The following STAT3 variants were observed in gnomAD, a reference collection of about 807,000 sequenced individuals.
The protein encoded by STAT3 is DNA-binding protein APRF.
STAT3 carries 7 observed loss-of-function variants against 114.3 expected under a neutral mutation model. The ratio of observed to expected loss-of-function variants is 0.06; its 90% CI spans 0.03 to 0.11. The LOEUF is 0.11. STAT3 is among the 10% of genes least tolerant of loss of function. STAT3 has a pLI of 1.00. For synonymous variants in STAT3, 331 were observed against 354.5 expected (o/e 0.93, Z 0.74); for missense variants, 364 against 960.9 (o/e 0.38, Z 8.21).
intron 8 of STAT3, among the ~76,000 whole-genome samples, chr17:42,336,582 A>G (rs983190421): frequency 6.6e-6 from 1 of 152,094 alleles, no homozygotes; most frequent in Non-Finnish European, 1.5e-5. Flanking sequence ...TGGGTAACAC[A>G]GTGAGACCCT....
intron 1 of STAT3, among the ~76,000 whole-genome samples, chr17:42,364,145 A>C (rs2083656800): frequency 6.6e-6 from 1 of 152,164 alleles, no homozygotes. Context: ...TTACAGAAGT[A>C]CACCTCCCCT....
At chr17:42,382,792 G>A (rs1422096836) in intron 1 of STAT3, among the ~76,000 whole-genome samples, 6 of 151,858 alleles carry the variant, frequency 4.0e-5, no homozygotes, top group African/African-American at 9.7e-5. Context: ...GACTACAGGC[G>A]TCTGCCACCA....
chr17:42,316,669 CA>C (rs1193148096), intron 23 of STAT3, 119 bp downstream of exon 23: 14 of 1,548,710 alleles, frequency 9.0e-6, no homozygotes, highest in Non-Finnish European at 1.2e-5. Context: ...TTTTGGAAAG[CA>C]AAGCTCTAGA....
In STAT3 at chr17:42,323,523, C is replaced by T. The variant is rs375499483; in HGVS notation, c.1653+50G>A. 1.4e-5 allele frequency: 22 copies of T among 1,603,250 alleles called. No homozygotes were observed. The African/African-American group carries it at 2.1e-4, about 16-fold the overall frequency. On this transcript the variant is annotated intron_variant, in intron 18 of 23. Transcript: ENST00000264657. ...TCAAGCCAGAGCCCTCAACGACAGCCGTGCAGGTGAGCATTCCCATTCCCA... is the reference window on the plus strand; with the variant it reads ...TCAAGCCAGAGCCCTCAACGACAGCTGTGCAGGTGAGCATTCCCATTCCCA...
At chr17:42,379,191 G>A (rs113487094) in intron 1 of STAT3, among the ~76,000 whole-genome samples, 33 of 152,288 alleles carry the variant, frequency 2.2e-4, no homozygotes, top group Middle Eastern at 3.4e-3. Context: ...AAGCCAAGCC[G>A]TTTATTTCCC....
chr17:42,379,189 C>T (rs2084639597), intron 1 of STAT3, among the ~76,000 whole-genome samples: 1 of 152,160 alleles, frequency 6.6e-6, no homozygotes, highest in South Asian at 2.1e-4. Context: ...GGAAGCCAAG[C>T]CGTTTATTTC....
chr17:42,376,108 G>A (rs1448859239), intron 1 of STAT3, among the ~76,000 whole-genome samples: 28 of 150,878 alleles, frequency 1.9e-4, no homozygotes, highest in Non-Finnish European at 3.1e-4. Context: ...CCGAGATCAT[G>A]CCACTGCACT....
At chr17:42,387,889 G>A (rs2085200466) in intron 1 of STAT3, 1 of 179,966 alleles carries the variant, frequency 5.6e-6, no homozygotes, top group African/African-American at 2.3e-5. Context: ...GGCGCTTTCC[G>A]ACCCCCCACT....
Position 42,326,203 on chromosome 17 carries a change from C to T in STAT3, c.1282-4G>A. On this transcript the variant is annotated splice_region_variant and splice_polypyrimidine_tract_variant and intron_variant, in intron 14 of 23. Coordinates refer to ENST00000264657, the MANE Select transcript of STAT3 (RefSeq NM_139276.3). ...CCTCAGTCACAATCAGGGAAGCCTA[C>T]AGTAACGAGAAGGACACTCTTAGGC... is the stretch of plus-strand genomic sequence containing the variant. 6.2e-7 allele frequency: 1 copy of T among 1,613,356 alleles called. No individual in the cohort carries two copies. The highest frequency in any genetic ancestry group is 8.5e-7 in the Non-Finnish European group (1 of 1,179,506).
intron 4 of STAT3, among the ~76,000 whole-genome samples, chr17:42,342,050 C>A (rs924559278): frequency 2.0e-5 from 3 of 152,084 alleles, no homozygotes; most frequent in African/African-American, 7.2e-5. Flanking sequence ...GGATAAAATA[C>A]AAAGGTTTTC....
chr17:42,328,419 T>G (rs192927904), intron 14 of STAT3, among the ~76,000 whole-genome samples: 1 of 152,304 alleles, frequency 6.6e-6, no homozygotes, highest in East Asian at 1.9e-4. Flanking sequence ...ATTTTATTTA[T>G]TTTTTTGAGA....
In STAT3 at chr17:42,366,257, A is replaced by G. The variant is rs568759160; in HGVS notation, c.-23-17718T>C. 9.0e-4 allele frequency among the ~76,000 whole-genome samples: 137 copies of G among 152,260 alleles called. 2 individuals carry two copies. The highest frequency in any genetic ancestry group is 2.9e-3 in the African/African-American group (120 of 41,550). On this transcript the variant is annotated intron_variant, in intron 1 of 23. Coordinates refer to ENST00000264657, the MANE Select transcript of STAT3 (RefSeq NM_139276.3). ...TAGCAAGTGACAACTCCATTCCTGC[A>G]CATGTTGAGGCTAAAAACCTTGAAA...
intron 1 of STAT3, among the ~76,000 whole-genome samples, chr17:42,374,735 T>C (rs576072753): frequency 1.3e-5 from 2 of 152,294 alleles, no homozygotes; most frequent in South Asian, 2.1e-4. Context: ...AAGTAGGTGT[T>C]ATTCCCATTT....
intron 1 of STAT3, among the ~76,000 whole-genome samples, chr17:42,360,435 G>A (rs1479427681): frequency 7.2e-5 from 11 of 151,776 alleles, no homozygotes; most frequent in African/African-American, 1.7e-4. Flanking sequence ...ACCTGAGGTC[G>A]GGAGTTCGAG....
intron 1 of STAT3, among the ~76,000 whole-genome samples, chr17:42,371,547 G>A (rs893866004): frequency 4.0e-5 from 6 of 151,086 alleles, no homozygotes; most frequent in African/African-American, 1.5e-4. Context: ...GTAGTGGCGG[G>A]CGCCTATAAT....
rs914788917 is a variant in STAT3, at chr17:42,314,551, C to T, written c.*1194G>A. The T allele has an allele frequency of 2.1e-5, 5 of 232,822 alleles. No individual in the cohort carries two copies. The highest frequency in any genetic ancestry group is 3.4e-5 in the Non-Finnish European group (4 of 117,576). 14.4% of individuals were successfully genotyped at this position (232,822 alleles called of 1,614,324 possible). A position where few individuals can be genotyped will look rare whatever the true frequency, so the allele number is the denominator to read the frequency against. The stretch of plus-strand genomic sequence containing the variant: ...CTGATAAGGCACCCACAGAAACAAC[C>T]TAGCCTCTGAAACAGCAGATCAAGT... On this transcript the variant is annotated 3_prime_UTR_variant, in exon 24 of 24. Coordinates refer to ENST00000264657, the MANE Select transcript of STAT3 (RefSeq NM_139276.3).
chr17:42,368,342 C>A (rs2083917451), intron 1 of STAT3, among the ~76,000 whole-genome samples: 2 of 152,170 alleles, frequency 1.3e-5, no homozygotes, highest in African/African-American at 2.4e-5. Flanking sequence ...TGCCCATTGG[C>A]AGTATTTGAG....
chr17:42,374,471 A>T (rs966701703), intron 1 of STAT3, among the ~76,000 whole-genome samples: 7 of 152,032 alleles, frequency 4.6e-5, no homozygotes, highest in African/African-American at 1.4e-4. Context: ...TTAGCCAGGC[A>T]TGGTGGTGCA....
rs1378732432 is a variant in STAT3 at position 42,345,723 on chromosome 17, G to A, written c.274-66C>T. On this transcript the variant is annotated intron_variant, in intron 3 of 23. Coordinates refer to ENST00000264657, the MANE Select transcript of STAT3 (RefSeq NM_139276.3). Reference sequence around the variant, plus strand: ...CCATGGAGATGTGGACTGAACTGTGGCACCTTAAAACTAATGTATTCATCA... The same window carrying A: ...CCATGGAGATGTGGACTGAACTGTGACACCTTAAAACTAATGTATTCATCA... The A allele has an allele frequency of 2.9e-6, 4 of 1,402,780 alleles. No homozygotes were observed. In the East Asian group the frequency reaches 9.9e-5, roughly 35 times the overall value. 86.9% of individuals were successfully genotyped at this position (1,402,780 alleles called of 1,614,324 possible).
Sources: gnomAD v4.1 joint callset for allele counts (sites outside exome capture counted in the v4.1 genomes callset) on GRCh38, gnomAD v4.1.1 for gene constraint, MANE v1.5 for transcripts, NCBI Gene and HGNC (gene_info 2026-07-23, HGNC 2026-07-21) for gene names.